Variants in COL4A5 observed in about 807,000 individuals in gnomAD.
COL4A5 encodes collagen alpha-5(IV) chain.
Under a neutral mutation model 130.2 loss-of-function variants are expected in COL4A5, and 26 were observed. The observed-to-expected ratio is 0.20, with a 90% CI of 0.15 to 0.28. The LOEUF (loss-of-function observed/expected upper bound fraction) is 0.28. Among genes scored for constraint, COL4A5 ranks in the 10% least tolerant of loss-of-function variants. COL4A5 has a pLI of 1.00. For missense variants in COL4A5, 1,131 were observed against 1,344.3 expected (o/e 0.84, Z 2.48); for synonymous variants, 496 against 439.6 (o/e 1.13, Z -1.60).
At chrX:108,677,773 G>A in intron 44 of COL4A5, 140 bp downstream of exon 44, 13 of 760,200 alleles carry the variant, frequency 1.7e-5, no homozygotes, top group Non-Finnish European at 2.5e-5. Context: ...TAAAAAGACA[G>A]TAGAAGGCAA....
rs1423329539 is a variant in COL4A5, at chrX:108,526,656, CTT to C, written c.82-13088_82-13087del. ...TCTTTCTTTCTTTCTTTCTTTCTTT[CTT>C]TCTTCTTTCTTTCTCTTTCTTTCTT... is the stretch of plus-strand genomic sequence containing the variant. On this transcript the variant is annotated intron_variant, in intron 1 of 52. Transcript: ENST00000328300. Among the ~76,000 whole-genome samples the C allele has an allele frequency of 3.0e-3, 154 of 51,760 alleles. 1 individual carries two copies. Among genetic ancestry groups the C allele is most frequent in the African/African-American group, 0.014 (124 of 8,582 alleles). The allele number at this position is 51,760 out of a possible 115,157, so 44.9% of individuals were successfully genotyped here.
At chrX:108,627,604 A>G in intron 36 of COL4A5, 5 of 696,193 alleles carry the variant, frequency 7.2e-6, no homozygotes, top group Non-Finnish European at 8.5e-6. Context: ...GTTGGATCAA[A>G]GGATAAGTGC....
At chrX:108,682,894 T>C (rs2068463672) in intron 47 of COL4A5, among the ~76,000 whole-genome samples, 1 of 111,866 alleles carries the variant, frequency 8.9e-6, no homozygotes, top group South Asian at 3.7e-4. Flanking sequence ...AGCTCCTTAG[T>C]TTAATTAGAT....
intron 37 of COL4A5, among the ~76,000 whole-genome samples, chrX:108,665,003 A>G (rs899762999): frequency 8.9e-6 from 1 of 112,250 alleles, no homozygotes; most frequent in Non-Finnish European, 1.9e-5. Context: ...AAAACACAAC[A>G]TATACCTACT....
intron 2 of COL4A5, among the ~76,000 whole-genome samples, chrX:108,554,712 T>C (rs1440405464): frequency 1.8e-5 from 2 of 110,412 alleles, no homozygotes; most frequent in Non-Finnish European, 3.8e-5. Flanking sequence ...AATATAAAAA[T>C]TGGCTGGGCA....
intron 2 of COL4A5, among the ~76,000 whole-genome samples, chrX:108,552,748 A>C (rs985826017): frequency 1.8e-5 from 2 of 112,098 alleles, no homozygotes; most frequent in Non-Finnish European, 3.8e-5. Flanking sequence ...ACTCCAATCA[A>C]AATTCTTGTG....
At chrX:108,477,542 G>A (rs376815109) in intron 1 of COL4A5, among the ~76,000 whole-genome samples, 1 of 111,230 alleles carries the variant, frequency 9.0e-6, no homozygotes, top group African/African-American at 3.3e-5. Flanking sequence ...GGCCGGGCGC[G>A]GTGGCTCATG....
intron 1 of COL4A5, among the ~76,000 whole-genome samples, chrX:108,472,882 C>T (rs2064787977): frequency 8.9e-6 from 1 of 112,013 alleles, no homozygotes; most frequent in Non-Finnish European, 1.9e-5. Context: ...ATTTGCAGTA[C>T]CACCAACAGT....
chrX:108,532,211 C>G (rs1433349497), intron 1 of COL4A5, among the ~76,000 whole-genome samples: 1 of 111,573 alleles, frequency 9.0e-6, no homozygotes, highest in Non-Finnish European at 1.9e-5. Context: ...AAATCCAATT[C>G]AACAGTACGT....
chrX:108,627,909 GAAAGCAT>G (rs1603299441), intron 36 of COL4A5, among the ~76,000 whole-genome samples: 1 of 110,467 alleles, frequency 9.1e-6, no homozygotes, highest in South Asian at 3.8e-4. Flanking sequence ...TATTATGATG[GAAAGCAT>G]ATTACAATTA....
chrX:108,661,975 A>T (rs977433066), intron 37 of COL4A5, among the ~76,000 whole-genome samples: 18 of 108,772 alleles, frequency 1.7e-4, no homozygotes, highest in African/African-American at 4.4e-4. Flanking sequence ...CACAATGTGC[A>T]GGTTTGTTAC....
rs1245765321 is a variant in COL4A5 at position 108,696,961 on chromosome X, T to C, written c.*583T>C. 1 of 111,897 alleles carries C rather than the reference T, an allele frequency of 8.9e-6. No individual in the cohort carries two copies. Among genetic ancestry groups the C allele is most frequent in the Non-Finnish European group, 1.9e-5 (1 of 53,132 alleles). The allele number at this position is 111,897 out of a possible 1,213,427, so 9.2% of individuals were successfully genotyped here. A position where few individuals can be genotyped will look rare whatever the true frequency, so the allele number is the denominator to read the frequency against. On this transcript the variant is annotated 3_prime_UTR_variant, in exon 53 of 53. Transcript: ENST00000328300. ...AGAATACAGACAGCAATATTTTATA[T>C]TCATGTTTATCAAAGTGAGAGGACT... is the stretch of plus-strand genomic sequence containing the variant.
At chrX:108,493,807 GAA>G (rs5903326) in intron 1 of COL4A5, among the ~76,000 whole-genome samples, 1,926 of 86,689 alleles carry the variant, frequency 0.022, 20 homozygotes, top group East Asian at 0.093. Context: ...AATCTAAAAA[GAA>G]AAAAAAAAAA....
At chrX:108,687,779 A>C in intron 49 of COL4A5, 85 bp downstream of exon 49, 3 of 863,179 alleles carry the variant, frequency 3.5e-6, no homozygotes, top group East Asian at 6.2e-5. Flanking sequence ...GCCTTGGCCA[A>C]AGTGCCTCTC....
intron 1 of COL4A5, among the ~76,000 whole-genome samples, chrX:108,526,921 C>A (rs1424238897): frequency 9.4e-6 from 1 of 106,365 alleles, no homozygotes; most frequent in Non-Finnish European, 1.9e-5. Flanking sequence ...GTGCATGTCA[C>A]CATGGCTGGT....
intron 3 of COL4A5, among the ~76,000 whole-genome samples, chrX:108,561,696 T>C (rs1443760189): frequency 9.0e-6 from 1 of 111,315 alleles, no homozygotes; most frequent in Non-Finnish European, 1.9e-5. Context: ...GTTGTTACAA[T>C]ATTAAGGAAA....
intron 37 of COL4A5, among the ~76,000 whole-genome samples, chrX:108,656,760 G>A (rs1211128551): frequency 9.0e-6 from 1 of 111,695 alleles, no homozygotes; most frequent in Non-Finnish European, 1.9e-5. Context: ...ATGAATAATA[G>A]TATTAATCAT....
At chrX:108,452,330 A>G (rs1482617986) in intron 1 of COL4A5, among the ~76,000 whole-genome samples, 3 of 111,400 alleles carry the variant, frequency 2.7e-5, no homozygotes, top group African/African-American at 9.8e-5. Context: ...TTCCATATGA[A>G]CTTTAAAGTA....
At chrX:108,639,591 A>T (rs1197106796) in intron 36 of COL4A5, among the ~76,000 whole-genome samples, 1 of 111,739 alleles carries the variant, frequency 8.9e-6, no homozygotes, top group African/African-American at 3.2e-5. Context: ...ATAGAGTGAA[A>T]AGGCAACTCA....
Sources: gnomAD v4.1 joint callset for allele counts (sites outside exome capture counted in the v4.1 genomes callset) on GRCh38, gnomAD v4.1.1 for gene constraint, MANE v1.5 for transcripts, NCBI Gene and HGNC (gene_info 2026-07-23, HGNC 2026-07-21) for gene names.